The following CACNB2 variants were observed in gnomAD, a reference collection of about 807,000 sequenced individuals.
The protein encoded by CACNB2 is voltage-dependent L-type calcium channel subunit beta-2.
CACNB2 carries 42 observed loss-of-function variants against 73.3 expected under a neutral mutation model. The ratio of observed to expected loss-of-function variants is 0.57; its 90% CI spans 0.45 to 0.74. The LOEUF (loss-of-function observed/expected upper bound fraction) is 0.74, where lower values mean the gene tolerates loss of function less well. Among genes scored for constraint, CACNB2 ranks in the 30% least tolerant of loss-of-function variants. The probability of loss-of-function intolerance (pLI) is 0.00; values close to 1 mark genes in which losing one functional copy is unlikely to be tolerated. For synonymous variants in CACNB2, 348 were observed against 310.3 expected, an observed-to-expected ratio of 1.12 and a Z score of -1.28; for missense variants, 940 against 853.0, an observed-to-expected ratio of 1.10 and a Z score of -1.27.
intron 9 of CACNB2, among the ~76,000 whole-genome samples, 184 bp from the exon 10 acceptor site, chr10:18,527,404 G>C (rs549689375): frequency 6.6e-6 from 1 of 151,830 alleles, no homozygotes; most frequent in South Asian, 2.1e-4. Context: ...AAGTAAGGCA[G>C]GTGCAAGATA....
intron 2 of CACNB2, among the ~76,000 whole-genome samples, chr10:18,188,541 G>T (rs1317455198): frequency 6.6e-6 from 1 of 152,132 alleles, no homozygotes; most frequent in Non-Finnish European, 1.5e-5. Flanking sequence ...CTGGGCTCAA[G>T]AGATCCTCCT....
At chr10:18,212,870 T>G (rs1036253412) in intron 2 of CACNB2, among the ~76,000 whole-genome samples, 2 of 152,180 alleles carry the variant, frequency 1.3e-5, no homozygotes, top group African/African-American at 4.8e-5. Context: ...AAGACTTGGG[T>G]TCTGAGCCAA....
intron 2 of CACNB2, among the ~76,000 whole-genome samples, chr10:18,204,318 C>T (rs1441471886): frequency 1.3e-5 from 2 of 152,184 alleles, no homozygotes; most frequent in South Asian, 2.1e-4. Context: ...ATTGATTATA[C>T]ATTAACCAAC....
intron 3 of CACNB2, among the ~76,000 whole-genome samples, chr10:18,437,716 G>A (rs1282829771): frequency 6.6e-6 from 1 of 152,124 alleles, no homozygotes; most frequent in Non-Finnish European, 1.5e-5. Flanking sequence ...ATCTTTGACA[G>A]CACTGAGAGT....
chr10:18,299,723 TAAA>T (rs1050422870), intron 2 of CACNB2, among the ~76,000 whole-genome samples: 1 of 151,168 alleles, frequency 6.6e-6, no homozygotes, highest in Non-Finnish European at 1.5e-5. Context: ...AAAATAAAAA[TAAA>T]AAAAAACTTT....
intron 5 of CACNB2, among the ~76,000 whole-genome samples, chr10:18,502,299 C>G (rs1029236710): frequency 9.0e-6 from 1 of 111,724 alleles, no homozygotes; most frequent in East Asian, 5.2e-4. Flanking sequence ...CAGAGTGAGA[C>G]TCTATCTCAA....
At chr10:18,161,533 T>C (rs1173998149) in intron 2 of CACNB2, among the ~76,000 whole-genome samples, 2 of 151,842 alleles carry the variant, frequency 1.3e-5, no homozygotes, top group Non-Finnish European at 2.9e-5. Context: ...TAAAGTTTAG[T>C]CCTATTCATG....
intron 2 of CACNB2, among the ~76,000 whole-genome samples, chr10:18,381,587 C>T (rs1418409579): frequency 6.6e-6 from 1 of 150,532 alleles, no homozygotes; most frequent in Non-Finnish European, 1.5e-5. Flanking sequence ...ACTGGGGTGG[C>T]TGAGGCAGGA....
At chr10:18,251,066 T>C (rs1295464189) in intron 2 of CACNB2, among the ~76,000 whole-genome samples, 1 of 152,198 alleles carries the variant, frequency 6.6e-6, no homozygotes, top group Non-Finnish European at 1.5e-5. Flanking sequence ...CCCTCAAATA[T>C]TTATCTGAAG....
intron 2 of CACNB2, among the ~76,000 whole-genome samples, chr10:18,288,676 T>TACACAC (rs372916856): frequency 4.8e-4 from 69 of 144,420 alleles, no homozygotes; most frequent in South Asian, 1.3e-3. Context: ...ATGAGATTTA[T>TACACAC]ACACACACAC....
At chr10:18,333,896 A>G (rs957881055) in intron 2 of CACNB2, among the ~76,000 whole-genome samples, 3 of 152,082 alleles carry the variant, frequency 2.0e-5, no homozygotes, top group Admixed American at 2.0e-4. Context: ...CTGGCAACGT[A>G]ACATATTTAT....
At position 18,539,492 on chromosome 10, in the gene CACNB2, C is replaced by A. The variant is rs532096958; in HGVS notation, c.1751C>A (p.Ser584Ter). The A allele has an allele frequency of 2.5e-6, 4 of 1,614,006 alleles. No homozygotes were observed. The African/African-American group carries it at 5.3e-5, about 22-fold the overall frequency. Residue 584 changes from serine (S) to a stop codon, truncating the protein, a stop_gained, in exon 14 of 14, where the codon TCA becomes TAA. Coordinates refer to ENST00000324631, the MANE Select transcript of CACNB2 (RefSeq NM_201596.3). LOFTEE classifies it high-confidence loss of function. ...CATGACCACGTGGACCACTATGCCTCACACCGTGACCACAACCACAGAGAC... is the reference window on the plus strand; with the variant it reads ...CATGACCACGTGGACCACTATGCCTAACACCGTGACCACAACCACAGAGAC... ...YSHDHVDHYASHRDHNHRDET... is the reference protein window; with the variant it reads ...YSHDHVDHYA
intron 3 of CACNB2, among the ~76,000 whole-genome samples, chr10:18,414,654 T>G (rs1190325470): frequency 6.6e-6 from 1 of 152,096 alleles, no homozygotes; most frequent in Non-Finnish European, 1.5e-5. Context: ...CCTGCTAATT[T>G]TTGTATTTTT....
At chr10:18,276,660 C>T (rs182551431) in intron 2 of CACNB2, among the ~76,000 whole-genome samples, 137 of 152,198 alleles carry the variant, frequency 9.0e-4, no homozygotes, top group Non-Finnish European at 1.5e-3. Flanking sequence ...CCCACTGCAA[C>T]GTCTGACCCC....
chr10:18,514,444 T>G (rs2051075578), intron 7 of CACNB2, 75 bp downstream of exon 7: 2 of 1,613,764 alleles, frequency 1.2e-6, no homozygotes, highest in Non-Finnish European at 1.7e-6. Flanking sequence ...CTGTTGACTG[T>G]CTGCGTCCTT....
chr10:18,252,684 C>A (rs1240412132), intron 2 of CACNB2, among the ~76,000 whole-genome samples: 1 of 152,076 alleles, frequency 6.6e-6, no homozygotes, highest in Non-Finnish European at 1.5e-5. Context: ...AATAATTTGT[C>A]ATAGTGCTTA....
intron 2 of CACNB2, among the ~76,000 whole-genome samples, chr10:18,179,840 G>A (rs893305441): frequency 2.0e-5 from 3 of 152,176 alleles, no homozygotes; most frequent in Non-Finnish European, 4.4e-5. Context: ...AGTAGTCTAA[G>A]TTGTGAATTT....
chr10:18,375,022 G>A (rs543755475), intron 2 of CACNB2, among the ~76,000 whole-genome samples: 1 of 152,214 alleles, frequency 6.6e-6, no homozygotes, highest in Admixed American at 6.5e-5. Flanking sequence ...ACTTGAAAAT[G>A]CACACGGCAA....
At chr10:18,319,683 A>G (rs796646866) in intron 2 of CACNB2, among the ~76,000 whole-genome samples, 20 of 152,320 alleles carry the variant, frequency 1.3e-4, no homozygotes, top group African/African-American at 4.3e-4. Context: ...TTGAAAAAGA[A>G]TATTTTGTAA....
Sources: gnomAD v4.1 joint callset for allele counts (sites outside exome capture counted in the v4.1 genomes callset) on GRCh38, gnomAD v4.1.1 for gene constraint, MANE v1.5 for transcripts, NCBI Gene and HGNC (gene_info 2026-07-23, HGNC 2026-07-21) for gene names.